The following USP54 variants were observed in gnomAD, a reference collection of about 807,000 sequenced individuals.
USP54 encodes the protein ubiquitin carboxyl-terminal hydrolase 54.
In USP54, 87 loss-of-function variants were observed where a neutral mutation model predicts 170.5. The ratio of observed to expected loss-of-function variants is 0.51; its 90% CI spans 0.43 to 0.61. USP54 has a LOEUF of 0.61. Ranked by LOEUF, USP54 falls within the 20% of genes least tolerant of loss-of-function variation. The pLI, the probability that USP54 is intolerant of heterozygous loss-of-function variation, is 0.00. For missense variants in USP54, 1,786 were observed against 2,047.8 expected, an observed-to-expected ratio of 0.87 and a Z score of 2.47; for synonymous variants, 655 against 742.8, an observed-to-expected ratio of 0.88 and a Z score of 1.92.
chr10:73,611,829 C>A (rs1325026471), intron 1 of USP54, among the ~76,000 whole-genome samples: 2 of 151,316 alleles, frequency 1.3e-5, no homozygotes, highest in Non-Finnish European at 2.9e-5. Context: ...ATAAAATAGG[C>A]CAGGTGCAGT....
At chr10:73,559,540 A>G (rs540068186) in intron 4 of USP54, among the ~76,000 whole-genome samples, 7 of 150,094 alleles carry the variant, frequency 4.7e-5, no homozygotes, top group South Asian at 2.1e-4. Flanking sequence ...AGCCTGGGCA[A>G]TAAGAGCAAA....
chr10:73,525,258 T>C (rs1182308108), intron 16 of USP54, among the ~76,000 whole-genome samples: 2 of 152,246 alleles, frequency 1.3e-5, no homozygotes, highest in East Asian at 1.9e-4. Context: ...ATTGAATTAC[T>C]GGACTTGATT....
intron 15 of USP54, chr10:73,529,301 T>G (rs1590064169): frequency 8.2e-6 from 2 of 244,814 alleles, no homozygotes; most frequent in South Asian, 4.4e-5. Context: ...TATCGGAGGG[T>G]GGAGGGTGGG....
At chr10:73,545,707 A>G in intron 4 of USP54, 35 bp from the exon 5 acceptor site, 1 of 1,605,880 alleles carries the variant, frequency 6.2e-7, no homozygotes, top group Non-Finnish European at 8.5e-7. Flanking sequence ...GAAAAAGTAC[A>G]ATGCTGTTAT....
rs1473496983 is a variant in USP54 at position 73,575,855 on chromosome 10, C to G, written c.-75G>C. The G allele has an allele frequency of 6.0e-6, 3 of 500,874 alleles. No homozygotes were observed. Among genetic ancestry groups the G allele is most frequent in the East Asian group, 3.5e-5 (1 of 28,980 alleles). The allele number at this position is 500,874 out of a possible 1,614,324, so 31.0% of individuals were successfully genotyped here. A position where few individuals can be genotyped will look rare whatever the true frequency, so the allele number is the denominator to read the frequency against. On this transcript the variant is annotated 5_prime_UTR_variant, in exon 2 of 24. Transcript: ENST00000687698. ...CAGGTATCCTCCTAGATCAAGATGA[C>G]AGAGCCCTCCCTCACTTGTTCCAAA...
upstream of USP54, among the ~76,000 whole-genome samples, chr10:73,594,221 C>T (rs1174104073): frequency 6.6e-6 from 1 of 151,968 alleles, no homozygotes; most frequent in Non-Finnish European, 1.5e-5. Context: ...CAGGTAGGTG[C>T]CACTACACCC....
Position 73,602,552 on chromosome 10 carries a change from C to CA in USP54, c.-18+23014dup, listed in dbSNP as rs1369385054. ...TGGGTAACAGAGCAAGACTCTGATT[C>CA]AAAAAAAAAAAATAGTATAATAGTG... On this transcript the variant is annotated intron_variant, in intron 1 of 22. Coordinates refer to the USP54 transcript ENST00000339859. 4.6e-3 allele frequency among the ~76,000 whole-genome samples: 618 copies of CA among 135,708 alleles called. 1 individual carries two copies. Among genetic ancestry groups the CA allele is most frequent in the African/African-American group, 0.011 (407 of 36,794 alleles). The allele number at this position is 135,708 out of a possible 152,430, so 89.0% of individuals were successfully genotyped here.
At chr10:73,511,156 C>T (rs1001785579) in intron 20 of USP54, among the ~76,000 whole-genome samples, 2 of 141,208 alleles carry the variant, frequency 1.4e-5, no homozygotes, top group East Asian at 2.1e-4. Context: ...TGAAGTGCAG[C>T]GGCACAATCT....
At position 73,575,603 on chromosome 10, in the gene USP54, A is replaced by C; in HGVS notation, c.56T>G (p.Phe19Cys). The C allele has an allele frequency of 6.2e-7, 1 of 1,613,950 alleles. No homozygotes were observed. Among genetic ancestry groups the C allele is most frequent in the Non-Finnish European group, 8.5e-7 (1 of 1,179,944 alleles). The change falls in exon 3 of 24, where the codon TTT (phenylalanine) becomes TGT (cysteine). Residue 19 changes from phenylalanine (F) to cysteine (C), a missense_variant. Coordinates refer to ENST00000687698, the MANE Select transcript of USP54 (RefSeq NM_001391956.1). ...TATGGAGGTTGAGCTTCGAGGTGCA[A>C]ACATCCCTTGTACACTACCACGACC... ...SGGRGSVQGM[F>C]APRSSTSIAP...
In USP54 at chr10:73,526,707, T is replaced by C. The variant is rs765403086; in HGVS notation, c.2134A>G (p.Ile712Val). 3.7e-6 allele frequency: 6 copies of C among 1,614,204 alleles called. No individual in the cohort carries two copies. The Admixed American group carries it at 5.0e-5, about 13-fold the overall frequency. ...RHIPKSHSSS[I>V]LEVDSTASMG... ...GATGCTGTGGAGTCTACCTCCAGGA[T>C]GCTACTGCTGTGCGACTTTGGGATA... Residue 712 changes from isoleucine (I) to valine (V), a missense_variant, in exon 16 of 24, where the codon ATC becomes GTC. Transcript: ENST00000687698.
intron 3 of USP54, among the ~76,000 whole-genome samples, chr10:73,572,958 A>C (rs1240057687): frequency 6.6e-6 from 1 of 152,192 alleles, no homozygotes; most frequent in Non-Finnish European, 1.5e-5. Context: ...TCTAAATCAC[A>C]AAAGTATTAT....
chr10:73,584,405 G>A (rs533553134), intron 1 of USP54, among the ~76,000 whole-genome samples: 4 of 152,024 alleles, frequency 2.6e-5, no homozygotes, highest in South Asian at 4.2e-4. Flanking sequence ...AAGAAGAGAC[G>A]TTGACGTAGT....
chr10:73,509,979 C>T (rs1481756534), intron 20 of USP54, among the ~76,000 whole-genome samples: 1 of 151,964 alleles, frequency 6.6e-6, no homozygotes, highest in African/African-American at 2.4e-5. Flanking sequence ...CAAAGCAAGA[C>T]CTTGTCTCAA....
At chr10:73,547,338 C>T (rs767856054) in intron 4 of USP54, among the ~76,000 whole-genome samples, 7 of 152,140 alleles carry the variant, frequency 4.6e-5, no homozygotes, top group Non-Finnish European at 1.0e-4. Context: ...GAGGCTGAGG[C>T]TGCAGTGAGC....
Position 73,589,822 on chromosome 10 carries a change from T to C in USP54, c.-582+1456A>G, listed in dbSNP as rs1028938142. 4.6e-5 allele frequency among the ~76,000 whole-genome samples: 7 copies of C among 152,150 alleles called. No individual in the cohort carries two copies. The East Asian group carries it at 5.8e-4, about 13-fold the overall frequency. On this transcript the variant is annotated intron_variant, in intron 1 of 23. Coordinates refer to ENST00000687698, the MANE Select transcript of USP54 (RefSeq NM_001391956.1). Reference sequence around the variant, plus strand: ...AGAGGATACCAAAGAAAGGAGAATATCTATAAAGAAGATTTCCTCTGTAGG... The same window carrying C: ...AGAGGATACCAAAGAAAGGAGAATACCTATAAAGAAGATTTCCTCTGTAGG...
At chr10:73,540,609 G>A (rs2133501539) in intron 9 of USP54, among the ~76,000 whole-genome samples, 1 of 152,240 alleles carries the variant, frequency 6.6e-6, no homozygotes, top group South Asian at 2.1e-4. Flanking sequence ...GTTTTTAAGA[G>A]ACAGGGTCTT....
rs2061168431 is a variant in USP54, at chr10:73,516,914, G to A, written c.3512C>T (p.Pro1171Leu). Residue 1171 changes from proline to leucine, a missense_variant, in exon 20 of 24, where the codon CCT becomes CTT. Pro to Leu is a moderately conservative substitution (Grantham distance 98). Transcript: ENST00000687698. Reference sequence around the variant, plus strand: ...GCCTTTCTCTTGACCCTGTGAGAAAGGAGGCTTAGAATCAGAAGGGGAAGA... The same window carrying A: ...GCCTTTCTCTTGACCCTGTGAGAAAAGAGGCTTAGAATCAGAAGGGGAAGA... Reference protein sequence around the residue: ...KNSSPSDSKPPFSQGQEKGHW... With the variant: ...KNSSPSDSKPLFSQGQEKGHW... 6.2e-7 allele frequency: 1 copy of A among 1,614,218 alleles called. No homozygotes were observed. Among genetic ancestry groups the A allele is most frequent in the East Asian group, 2.2e-5 (1 of 44,880 alleles).
In USP54 at chr10:73,534,699, G is replaced by A. The variant is rs1258583908; in HGVS notation, c.1216C>T (p.His406Tyr). Reference protein sequence around the residue: ...STESYPYKHSHHESVVSHFSS... With the variant: ...STESYPYKHSYHESVVSHFSS... Reference sequence around the variant, plus strand: ...AAGTGACTGACCACAGACTCATGGTGGGAATGTTTGTAGGGATAGCTCTCC... The same window carrying A: ...AAGTGACTGACCACAGACTCATGGTAGGAATGTTTGTAGGGATAGCTCTCC... Residue 406 changes from histidine to tyrosine, a missense_variant, in exon 12 of 24, where the codon CAC becomes TAC. His to Tyr is a moderately conservative substitution (Grantham distance 83, BLOSUM62 2). Coordinates refer to ENST00000687698, the MANE Select transcript of USP54 (RefSeq NM_001391956.1). 1.9e-6 allele frequency: 3 copies of A among 1,614,126 alleles called. No homozygotes were observed. The highest frequency in any genetic ancestry group is 1.3e-5 in the African/African-American group (1 of 75,028).
At chr10:73,546,989 T>C (rs1159119690) in intron 4 of USP54, among the ~76,000 whole-genome samples, 1 of 152,218 alleles carries the variant, frequency 6.6e-6, no homozygotes, top group Non-Finnish European at 1.5e-5. Flanking sequence ...GTCCTTTGTA[T>C]TACTTGTGGC....
Sources: allele counts gnomAD v4.1 joint callset (sites outside exome capture counted in the v4.1 genomes callset), GRCh38; gene constraint gnomAD v4.1.1; transcripts MANE v1.5; gene names NCBI Gene and HGNC (gene_info 2026-07-23, HGNC 2026-07-21).